The following LEPROTL1 variants were observed in gnomAD, a reference collection of about 807,000 sequenced individuals.
LEPROTL1 encodes leptin receptor overlapping transcript like 1, also known as leptin receptor overlapping transcript-like 1.
LEPROTL1 carries 6 observed loss-of-function variants against 15.4 expected under a neutral mutation model. The ratio of observed to expected loss-of-function variants is 0.39; its 90% CI spans 0.21 to 0.77. The LOEUF (loss-of-function observed/expected upper bound fraction) is 0.77. Ranked by LOEUF, LEPROTL1 falls within the 30% of genes least tolerant of loss-of-function variation. LEPROTL1 has a pLI of 0.41. For missense variants in LEPROTL1, 128 were observed against 158.1 expected (o/e 0.81, Z 1.02); for synonymous variants, 56 against 52.6 (o/e 1.06, Z -0.28).
At chr8:30,123,811 TG>T (rs1802868803) in intron 3 of LEPROTL1, among the ~76,000 whole-genome samples, 1 of 152,178 alleles carries the variant, frequency 6.6e-6, no homozygotes, top group Non-Finnish European at 1.5e-5. Context: ...ATGGGAATGA[TG>T]GCATGGGAAT....
chr8:30,114,367 T>G (rs1802703369), intron 3 of LEPROTL1, among the ~76,000 whole-genome samples: 1 of 152,134 alleles, frequency 6.6e-6, no homozygotes, highest in East Asian at 1.9e-4. Flanking sequence ...CCTGGCTCAC[T>G]GCAGCCTCCA....
downstream of LEPROTL1, chr8:30,137,776 T>G: frequency 7.1e-6 from 3 of 424,258 alleles, no homozygotes; most frequent in Non-Finnish European, 1.3e-5. Context: ...CAAACCCCCT[T>G]CTTGCCTGGA....
chr8:30,135,392 G>A (rs1023400318), intron 4 of LEPROTL1, among the ~76,000 whole-genome samples: 2 of 152,118 alleles, frequency 1.3e-5, no homozygotes, highest in African/African-American at 4.8e-5. Context: ...TGCCGTAGAG[G>A]AAATAAAAAC....
intron 1 of LEPROTL1, among the ~76,000 whole-genome samples, chr8:30,101,697 C>A (rs953603911): frequency 1.6e-4 from 24 of 146,772 alleles, no homozygotes; most frequent in African/African-American, 6.0e-4. Context: ...AAAAAAAAGG[C>A]CAGTGTCACT....
intron 4 of LEPROTL1, among the ~76,000 whole-genome samples, chr8:30,136,763 C>T (rs1220531518): frequency 1.3e-4 from 19 of 150,632 alleles, no homozygotes; most frequent in African/African-American, 4.6e-4. Context: ...GTGTCTCCCT[C>T]TGTCACCCAG....
At chr8:30,111,228 T>G (rs1802649810), downstream of LEPROTL1, among the ~76,000 whole-genome samples, 1 of 152,164 alleles carries the variant, frequency 6.6e-6, no homozygotes. Flanking sequence ...AGTGTAGCAG[T>G]GAAGACAAAG....
chr8:30,124,841 A>C (rs913696004), intron 3 of LEPROTL1, among the ~76,000 whole-genome samples: 11 of 152,224 alleles, frequency 7.2e-5, no homozygotes, highest in Non-Finnish European at 1.2e-4. Flanking sequence ...CATTACCATG[A>C]GTGTCATCCA....
intron 3 of LEPROTL1, among the ~76,000 whole-genome samples, chr8:30,118,920 T>A (rs932785181): frequency 6.6e-6 from 1 of 152,194 alleles, no homozygotes; most frequent in African/African-American, 2.4e-5. Flanking sequence ...GCTGCCAACA[T>A]GTCTCGCCTC....
At chr8:30,099,457 T>C (rs2117475373) in intron 1 of LEPROTL1, among the ~76,000 whole-genome samples, 1 of 143,186 alleles carries the variant, frequency 7.0e-6, no homozygotes, top group Non-Finnish European at 1.5e-5. Flanking sequence ...AAAAATTAGC[T>C]AGGCATGGTG....
At position 30,105,919 on chromosome 8, in the gene LEPROTL1, G is replaced by C. The variant is rs73669623; in HGVS notation, c.*57G>C. ...TTCCTGTCATTTGTTGGCCATTCACGCACACAGGAGATGGGGCAGTTAATG... is the reference window on the plus strand; with the variant it reads ...TTCCTGTCATTTGTTGGCCATTCACCCACACAGGAGATGGGGCAGTTAATG... On this transcript the variant is annotated 3_prime_UTR_variant, in exon 4 of 4. Transcript: ENST00000321250. 4.2e-6 allele frequency: 6 copies of C among 1,421,738 alleles called. No individual in the cohort carries two copies. Among genetic ancestry groups the C allele is most frequent in the Non-Finnish European group, 5.6e-6 (6 of 1,078,432 alleles). 88.1% of individuals were successfully genotyped at this position (1,421,738 alleles called of 1,614,324 possible).
At chr8:30,131,934 G>A (rs142942186) in intron 3 of LEPROTL1, 1 of 1,538,152 alleles carries the variant, frequency 6.5e-7, no homozygotes, top group South Asian at 1.2e-5. Context: ...TGAAAGCCAG[G>A]GAAAGATGTC....
At chr8:30,126,002 AC>A (rs1802899979) in intron 3 of LEPROTL1, among the ~76,000 whole-genome samples, 1 of 152,208 alleles carries the variant, frequency 6.6e-6, no homozygotes, top group Admixed American at 6.5e-5. Flanking sequence ...AGTTTCCTGA[AC>A]CATCTCCTAT....
At chr8:30,137,570 A>G in exon 5 of LEPROTL1, 1 of 1,146,438 alleles carries the variant, frequency 8.7e-7, no homozygotes, top group Non-Finnish European at 1.3e-6. Flanking sequence ...TAGTCACAAA[A>G]TCACATTTAT....
chr8:30,108,853 C>G (rs1802613051), downstream of LEPROTL1, among the ~76,000 whole-genome samples: 1 of 152,152 alleles, frequency 6.6e-6, no homozygotes, highest in Admixed American at 6.5e-5. Context: ...GTCTCAAACT[C>G]CTGGCCTCAA....
At chr8:30,131,963 T>C in intron 3 of LEPROTL1, 7 of 1,549,376 alleles carry the variant, frequency 4.5e-6, no homozygotes, top group Non-Finnish European at 6.1e-6. Context: ...TTGTGCTTTC[T>C]CTTCGCCAAT....
intron 3 of LEPROTL1, chr8:30,117,522 T>C: frequency 7.4e-7 from 1 of 1,348,336 alleles, no homozygotes. Flanking sequence ...TTTTTCCAGA[T>C]CTTTGAGTTG....
At chr8:30,119,806 T>C (rs1200095802) in intron 3 of LEPROTL1, among the ~76,000 whole-genome samples, 2 of 152,178 alleles carry the variant, frequency 1.3e-5, no homozygotes, top group African/African-American at 4.8e-5. Flanking sequence ...TGGCGGCTCA[T>C]GTCTATAATC....
chr8:30,131,913 G>A (rs140206935), intron 3 of LEPROTL1: 2 of 1,517,480 alleles, frequency 1.3e-6, no homozygotes, highest in Admixed American at 4.3e-5. Flanking sequence ...ATGTTTCCTG[G>A]GTGTTTAAGG....
chr8:30,128,751 CAA>C (rs60440341), intron 3 of LEPROTL1, among the ~76,000 whole-genome samples: 52 of 115,356 alleles, frequency 4.5e-4, no homozygotes, highest in East Asian at 7.4e-4. Context: ...GGCCCTGTTT[CAA>C]AAAAAAAAAA....
Sources: gnomAD v4.1 joint callset for allele counts (sites outside exome capture counted in the v4.1 genomes callset) on GRCh38, gnomAD v4.1.1 for gene constraint, MANE v1.5 for transcripts, NCBI Gene and HGNC (gene_info 2026-07-23, HGNC 2026-07-21) for gene names.